The following PDS5B variants were observed in gnomAD, a reference collection of about 807,000 sequenced individuals.
PDS5B encodes the protein sister chromatid cohesion protein PDS5 homolog B.
PDS5B carries 51 observed loss-of-function variants against 184.1 expected under a neutral mutation model. The observed-to-expected ratio is 0.28, with a 90% CI of 0.22 to 0.35. The LOEUF is 0.35. Ranked by LOEUF, PDS5B falls within the 10% of genes least tolerant of loss-of-function variation. The pLI is 1.00. For missense variants in PDS5B, 1,180 were observed against 1,723.3 expected, an observed-to-expected ratio of 0.68 and a Z score of 5.58; for synonymous variants, 566 against 569.2, an observed-to-expected ratio of 0.99 and a Z score of 0.08.
At chr13:32,617,008 A>G (rs1421415580) in intron 1 of PDS5B, among the ~76,000 whole-genome samples, 5 of 152,180 alleles carry the variant, frequency 3.3e-5, no homozygotes, top group Admixed American at 1.3e-4. Flanking sequence ...TCATCTATTA[A>G]TAGTTTCTCT....
chr13:32,669,599 C>CT (rs1950882662), intron 7 of PDS5B, among the ~76,000 whole-genome samples: 1 of 152,080 alleles, frequency 6.6e-6, no homozygotes, highest in African/African-American at 2.4e-5. Flanking sequence ...AAAAACATTT[C>CT]TTTATCACTT....
At position 32,770,486 on chromosome 13, in the gene PDS5B, A is replaced by G; in HGVS notation, c.3990A>G (p.Glu1330=). The change falls in exon 32 of 35, where the codon GAA becomes GAG. Residue 1330 remains glutamate, a synonymous_variant. Transcript: ENST00000315596. The part of the protein sequence containing the change: ...GPPAPEEEEE[E]ERQSGNTEQK... ...CAGCACCAGAGGAGGAGGAAGAAGAAGAAAGACAAAGTGGAAATACGGAAC... is the reference window on the plus strand; with the variant it reads ...CAGCACCAGAGGAGGAGGAAGAAGAGGAAAGACAAAGTGGAAATACGGAAC... The G allele has an allele frequency of 1.2e-6, 2 of 1,612,164 alleles. No individual in the cohort carries two copies. The highest frequency in any genetic ancestry group is 1.1e-5 in the South Asian group (1 of 90,712).
At chr13:32,714,616 ATGC>A (rs1306817066) in intron 19 of PDS5B, among the ~76,000 whole-genome samples, 1 of 152,176 alleles carries the variant, frequency 6.6e-6, no homozygotes, top group Non-Finnish European at 1.5e-5. Context: ...GGGATGTTCC[ATGC>A]TGAGAAAAAG....
At chr13:32,652,164 A>G in intron 3 of PDS5B, 157 bp downstream of exon 3, 2 of 581,054 alleles carry the variant, frequency 3.4e-6, no homozygotes, top group Middle Eastern at 4.2e-4. Flanking sequence ...TTTTTTTAGA[A>G]CTTATTTTTG....
At chr13:32,678,370 C>G (rs1160658243) in intron 9 of PDS5B, among the ~76,000 whole-genome samples, 1 of 152,048 alleles carries the variant, frequency 6.6e-6, no homozygotes, top group Admixed American at 6.6e-5. Flanking sequence ...CTTTTAGATT[C>G]ATGTAATATA....
chr13:32,706,842 A>G (rs1468320364), intron 17 of PDS5B, 92 bp from the exon 18 acceptor site: 6 of 649,664 alleles, frequency 9.2e-6, no homozygotes, highest in South Asian at 2.3e-5. Flanking sequence ...GGATATGTAT[A>G]TATGTATGTG....
intron 24 of PDS5B, among the ~76,000 whole-genome samples, chr13:32,747,335 T>C (rs1309037874): frequency 6.6e-6 from 1 of 152,198 alleles, no homozygotes; most frequent in Non-Finnish European, 1.5e-5. Context: ...CCACCCTTTA[T>C]TCTAGTACAT....
intron 1 of PDS5B, among the ~76,000 whole-genome samples, chr13:32,636,933 G>A (rs116948279): frequency 1.3e-5 from 2 of 152,314 alleles, no homozygotes; most frequent in East Asian, 3.9e-4. Flanking sequence ...CCAGGCATGA[G>A]GGCTAGAGAA....
intron 1 of PDS5B, among the ~76,000 whole-genome samples, chr13:32,646,898 T>A (rs979328748): frequency 1.3e-5 from 2 of 152,198 alleles, no homozygotes; most frequent in Non-Finnish European, 2.9e-5. Flanking sequence ...AGTTATATTC[T>A]TTCTCTGCTT....
At chr13:32,760,117 G>C (rs111433864) in intron 29 of PDS5B, among the ~76,000 whole-genome samples, 1,571 of 152,136 alleles carry the variant, frequency 0.01, 39 homozygotes, top group African/African-American at 0.036. Flanking sequence ...CACCACGCCT[G>C]GCTAATTTTT....
intron 1 of PDS5B, among the ~76,000 whole-genome samples, chr13:32,597,813 C>T (rs569148206): frequency 1.3e-5 from 2 of 150,268 alleles, no homozygotes; most frequent in South Asian, 4.2e-4. Flanking sequence ...TGCCACTGCA[C>T]TCCAGCCTGG....
chr13:32,705,689 A>G (rs1224376558), intron 17 of PDS5B, among the ~76,000 whole-genome samples: 1 of 152,116 alleles, frequency 6.6e-6, no homozygotes, highest in East Asian at 1.9e-4. Flanking sequence ...ATGTTTATTT[A>G]TATTTTTAGA....
chr13:32,728,409 T>C (rs7331529), intron 19 of PDS5B, among the ~76,000 whole-genome samples: 58,889 of 151,574 alleles, frequency 0.39, 11,921 homozygotes, highest in Non-Finnish European at 0.45. Context: ...ATTTTTTGTC[T>C]TACTGCTTTC....
At chr13:32,686,689 G>A (rs1331085881) in intron 11 of PDS5B, among the ~76,000 whole-genome samples, 1 of 152,206 alleles carries the variant, frequency 6.6e-6, no homozygotes, top group Admixed American at 6.5e-5. Flanking sequence ...GGAGGCTGAG[G>A]TAGGAGGATT....
At chr13:32,742,475 A>G (rs1221002233) in intron 22 of PDS5B, 116 bp from the exon 23 acceptor site, 1 of 791,164 alleles carries the variant, frequency 1.3e-6, no homozygotes, top group African/African-American at 1.8e-5. Context: ...ACAGAAAAGA[A>G]TTTTTTCTTT....
intron 1 of PDS5B, among the ~76,000 whole-genome samples, chr13:32,630,594 T>C (rs1310765802): frequency 6.6e-6 from 1 of 152,138 alleles, no homozygotes; most frequent in Non-Finnish European, 1.5e-5. Flanking sequence ...ATATAATTGT[T>C]CTCTGGTCTT....
At chr13:32,718,653 A>T in intron 19 of PDS5B, among the ~76,000 whole-genome samples, 1 of 152,380 alleles carries the variant, frequency 6.6e-6, no homozygotes, top group Admixed American at 6.5e-5. Flanking sequence ...GTAATTATGT[A>T]AGAATATAAA....
chr13:32,653,592 G>C (rs753468665), intron 3 of PDS5B, among the ~76,000 whole-genome samples: 6 of 152,134 alleles, frequency 3.9e-5, no homozygotes, highest in Non-Finnish European at 5.9e-5. Flanking sequence ...ATTTTGATTG[G>C]TGAAAGAATC....
chr13:32,726,804 G>T (rs1952915600), intron 19 of PDS5B, among the ~76,000 whole-genome samples: 1 of 152,094 alleles, frequency 6.6e-6, no homozygotes, highest in Non-Finnish European at 1.5e-5. Context: ...AAATCTCCGT[G>T]CTTTGAGAAT....
Sources: gnomAD v4.1 joint callset for allele counts (sites outside exome capture counted in the v4.1 genomes callset) on GRCh38, gnomAD v4.1.1 for gene constraint, MANE v1.5 for transcripts, NCBI Gene and HGNC (gene_info 2026-07-23, HGNC 2026-07-21) for gene names.